EYA1: variants seen among roughly 807,000 people sequenced by gnomAD.
EYA1 encodes the protein protein phosphatase EYA1.
EYA1 carries 16 observed loss-of-function variants against 82.0 expected under a neutral mutation model. That is an observed-to-expected ratio of 0.20 (90% CI 0.13 to 0.30). The LOEUF (loss-of-function observed/expected upper bound fraction) is 0.30, where lower values mean the gene tolerates loss of function less well. EYA1 is among the 10% of genes least tolerant of loss of function. EYA1 has a pLI of 1.00. For missense variants in EYA1, 633 were observed against 730.7 expected (o/e 0.87, Z 1.54); for synonymous variants, 261 against 264.4 (o/e 0.99, Z 0.12).
chr8:71,373,837 C>A (rs1667789046), intron 2 of EYA1, among the ~76,000 whole-genome samples: 1 of 152,062 alleles, frequency 6.6e-6, no homozygotes, highest in African/African-American at 2.4e-5. Flanking sequence ...TAAACCCAAG[C>A]ATATGTGGTC....
intron 2 of EYA1, among the ~76,000 whole-genome samples, chr8:71,412,118 C>G (rs1218107453): frequency 7.0e-6 from 1 of 143,434 alleles, no homozygotes; most frequent in Non-Finnish European, 1.5e-5. Flanking sequence ...TCTCAGTAAA[C>G]TATCACAAGA....
At chr8:71,293,621 T>TAA (rs150879274) in intron 9 of EYA1, among the ~76,000 whole-genome samples, 13,907 of 152,004 alleles carry the variant, frequency 0.091, 1,083 homozygotes, top group East Asian at 0.43. Flanking sequence ...CCAAGATATA[T>TAA]AAGGCTGGTT....
chr8:71,300,331 T>C (rs1050756225), intron 7 of EYA1, among the ~76,000 whole-genome samples: 16 of 152,292 alleles, frequency 1.1e-4, no homozygotes, highest in Non-Finnish European at 2.1e-4. Flanking sequence ...TGTTAAACAA[T>C]GAACAGTAGG....
chr8:71,500,041 G>A (rs1284187923), intron 2 of EYA1, among the ~76,000 whole-genome samples: 3 of 152,186 alleles, frequency 2.0e-5, no homozygotes, highest in East Asian at 1.9e-4. Context: ...GAAAGGAACC[G>A]AAACACACAA....
intron 2 of EYA1, among the ~76,000 whole-genome samples, chr8:71,412,275 T>G (rs1175874170): frequency 8.8e-4 from 129 of 145,924 alleles, no homozygotes; most frequent in Non-Finnish European, 1.5e-3. Flanking sequence ...ATATACCTAA[T>G]GCTAGATGAC....
intron 2 of EYA1, among the ~76,000 whole-genome samples, chr8:71,435,123 C>G (rs1264407764): frequency 6.6e-6 from 1 of 152,128 alleles, no homozygotes; most frequent in Non-Finnish European, 1.5e-5. Flanking sequence ...ATCCATCATT[C>G]AAGGTTCTGG....
At chr8:71,335,546 GTGTAACTGAAGT>G (rs771182709) in intron 3 of EYA1, among the ~76,000 whole-genome samples, 2 of 152,160 alleles carry the variant, frequency 1.3e-5, no homozygotes, top group Admixed American at 6.6e-5. Context: ...CCAAACAATG[GTGTAACTGAAGT>G]TGTAACTGAA....
At chr8:71,254,679 G>A (rs1814180707) in intron 11 of EYA1, among the ~76,000 whole-genome samples, 1 of 152,166 alleles carries the variant, frequency 6.6e-6, no homozygotes, top group African/African-American at 2.4e-5. Flanking sequence ...CAACCAGGCT[G>A]CTTTTGCCAC....
At position 71,304,259 on chromosome 8, in the gene EYA1, G is replaced by C. The variant is rs1202137749; in HGVS notation, c.557-4539C>G. 3.5e-5 allele frequency among the ~76,000 whole-genome samples: 5 copies of C among 142,302 alleles called. 1 individual carries two copies. The highest frequency in any genetic ancestry group is 1.2e-4 in the African/African-American group (5 of 40,210). The allele number at this position is 142,302 out of a possible 152,430, so 93.4% of individuals were successfully genotyped here. A position where few individuals can be genotyped will look rare whatever the true frequency, so the allele number is the denominator to read the frequency against. On this transcript the variant is annotated intron_variant, in intron 7 of 17. Coordinates refer to ENST00000340726, the MANE Select transcript of EYA1 (RefSeq NM_000503.6). ...CACCGATTCCTCACAACCACCCCAG[G>C]AGGTGGATGCTGTTACATCCCGTTT...
chr8:71,514,527 A>C (rs1029778129), intron 2 of EYA1, among the ~76,000 whole-genome samples: 1 of 152,186 alleles, frequency 6.6e-6, no homozygotes, highest in Non-Finnish European at 1.5e-5. Context: ...TTGGATTTAC[A>C]GTTTCACATG....
In EYA1 at chr8:71,317,539, T is replaced by C; in HGVS notation, c.556+13A>G. On this transcript the variant is annotated intron_variant, in intron 7 of 17. Coordinates refer to ENST00000340726, the MANE Select transcript of EYA1 (RefSeq NM_000503.6). ...TACAGGGTTAAGGAAAATAGCAATG[T>C]GTATATACAGACCTTGCATCTGGTA... 6.2e-7 allele frequency: 1 copy of C among 1,613,898 alleles called. No individual in the cohort carries two copies. The highest frequency in any genetic ancestry group is 8.5e-7 in the Non-Finnish European group (1 of 1,179,802).
intron 2 of EYA1, among the ~76,000 whole-genome samples, chr8:71,520,260 T>C (rs943971882): frequency 1.3e-5 from 2 of 151,662 alleles, no homozygotes; most frequent in Admixed American, 6.6e-5. Flanking sequence ...AATTATGCTT[T>C]AGCTGGGCCT....
chr8:71,218,821 G>A (rs1015501048), intron 12 of EYA1, among the ~76,000 whole-genome samples: 2 of 151,802 alleles, frequency 1.3e-5, no homozygotes, highest in Admixed American at 1.3e-4. Flanking sequence ...TGTGGTTAGC[G>A]TTGGGGGTGG....
chr8:71,322,033 C>G, intron 5 of EYA1, 154 bp from the exon 6 acceptor site: 1 of 1,109,362 alleles, frequency 9.0e-7, no homozygotes, highest in African/African-American at 1.6e-5. Context: ...ACTTCAGTGT[C>G]TCCACTACAT....
chr8:71,263,123 G>A (rs1815340076), intron 11 of EYA1, among the ~76,000 whole-genome samples: 1 of 152,120 alleles, frequency 6.6e-6, no homozygotes, highest in Admixed American at 6.5e-5. Context: ...GGCTGTGAGT[G>A]CTACCTGTTC....
chr8:71,545,814 C>T (rs1815516992), intron 1 of EYA1, among the ~76,000 whole-genome samples: 1 of 152,140 alleles, frequency 6.6e-6, no homozygotes, highest in South Asian at 2.1e-4. Flanking sequence ...CCCACCTCCA[C>T]CTCCCAAAGT....
At chr8:71,316,825 A>G (rs1821979887) in intron 7 of EYA1, among the ~76,000 whole-genome samples, 3 of 152,226 alleles carry the variant, frequency 2.0e-5, no homozygotes. Flanking sequence ...TGTTTAAATT[A>G]TGTGAGAACT....
intron 2 of EYA1, among the ~76,000 whole-genome samples, chr8:71,375,272 A>ATG (rs892057325): frequency 1.3e-5 from 2 of 151,636 alleles, no homozygotes; most frequent in African/African-American, 4.8e-5. Context: ...ATATATATAT[A>ATG]TAATTTTTTA....
chr8:71,322,335 C>A, intron 4 of EYA1, 67 bp from the exon 5 acceptor site: 1 of 1,350,624 alleles, frequency 7.4e-7, no homozygotes, highest in Non-Finnish European at 1.1e-6. Flanking sequence ...ATATAGAAAG[C>A]ACTGACATAT....
Sources: allele counts gnomAD v4.1 joint callset (sites outside exome capture counted in the v4.1 genomes callset), GRCh38; gene constraint gnomAD v4.1.1; transcripts MANE v1.5; gene names NCBI Gene and HGNC (gene_info 2026-07-23, HGNC 2026-07-21).